The following ST7 variants were observed in gnomAD, a reference collection of about 807,000 sequenced individuals.
The protein encoded by ST7 is suppressor of tumorigenicity 7 protein.
Under a neutral mutation model 78.7 loss-of-function variants are expected in ST7, and 28 were observed. The observed-to-expected ratio is 0.36, with a 90% CI of 0.26 to 0.49. The LOEUF (loss-of-function observed/expected upper bound fraction) is 0.49. ST7 is among the 20% of genes least tolerant of loss of function. ST7 has a pLI of 0.99. For missense variants in ST7, 418 were observed against 696.0 expected (o/e 0.60, Z 4.49); for synonymous variants, 247 against 249.6 (o/e 0.99, Z 0.10).
intron 1 of ST7, among the ~76,000 whole-genome samples, chr7:117,041,670 T>C (rs759184352): frequency 3.9e-5 from 6 of 152,166 alleles, no homozygotes; most frequent in Non-Finnish European, 5.9e-5. Flanking sequence ...CAATAAAGCA[T>C]ATTTTGCCTT....
intron 2 of ST7, among the ~76,000 whole-genome samples, chr7:117,118,606 A>C (rs1483187790): frequency 6.6e-6 from 1 of 152,230 alleles, no homozygotes; most frequent in Non-Finnish European, 1.5e-5. Context: ...TAGCTATCCT[A>C]TGAGACTCTG....
intron 1 of ST7, chr7:117,073,671 C>A (rs184895315): frequency 6.6e-6 from 1 of 152,296 alleles, no homozygotes; most frequent in Non-Finnish European, 1.5e-5. Context: ...CCTGTTACCC[C>A]ATCTGTAAAA....
intron 9 of ST7, among the ~76,000 whole-genome samples, chr7:117,162,462 A>G (rs1045464217): frequency 2.7e-5 from 4 of 150,166 alleles, no homozygotes; most frequent in African/African-American, 7.3e-5. Context: ...TCCACTATTT[A>G]TGATGGGATT....
At chr7:117,189,013 G>T (rs38884) in intron 10 of ST7, among the ~76,000 whole-genome samples, 19,109 of 151,982 alleles carry the variant, frequency 0.13, 2,247 homozygotes, top group African/African-American at 0.31. Context: ...ATATCTAAAT[G>T]TATATATTTA....
intron 13 of ST7, among the ~76,000 whole-genome samples, chr7:117,215,946 C>T (rs576418236): frequency 3.9e-5 from 6 of 151,960 alleles, no homozygotes; most frequent in Admixed American, 1.3e-4. Context: ...CTAAGATACT[C>T]TAAGATTGAT....
chr7:117,097,111 C>T (rs1801102475), intron 1 of ST7, among the ~76,000 whole-genome samples: 1 of 151,422 alleles, frequency 6.6e-6, no homozygotes, highest in South Asian at 2.1e-4. Context: ...AGTGATTTTT[C>T]AGCAGAAAAT....
intron 1 of ST7, among the ~76,000 whole-genome samples, chr7:117,008,274 T>C (rs1405224433): frequency 6.6e-6 from 1 of 152,218 alleles, no homozygotes; most frequent in East Asian, 1.9e-4. Context: ...GTGATACTGT[T>C]GTGAAATGTC....
rs574683136 is a variant in ST7 at position 117,144,628 on chromosome 7, G to A, written c.963+6096G>A. On this transcript the variant is annotated intron_variant, in intron 9 of 15. Transcript: ENST00000323984. ...AGCCTAGGCAACAGAGTAAGACCCT[G>A]TCTCCAAAAAAAAAAAAAAAACCAA... Among the ~76,000 whole-genome samples, 39 of 134,056 alleles carry A rather than the reference G, an allele frequency of 2.9e-4. No individual in the cohort carries two copies. The East Asian group carries it at 7.3e-3, about 25-fold the overall frequency. 87.9% of individuals were successfully genotyped at this position (134,056 alleles called of 152,430 possible).
chr7:117,116,000 A>G (rs973808894), intron 2 of ST7, among the ~76,000 whole-genome samples: 2 of 152,132 alleles, frequency 1.3e-5, no homozygotes, highest in African/African-American at 2.4e-5. Context: ...TTTACACATT[A>G]GAAAACTAAG....
chr7:117,152,118 C>CA (rs199819599), intron 9 of ST7, among the ~76,000 whole-genome samples: 29 of 119,708 alleles, frequency 2.4e-4, no homozygotes, highest in Middle Eastern at 4.7e-3. Context: ...GACACCATCT[C>CA]AAAAAAAAAT....
intron 1 of ST7, chr7:116,972,821 G>C (rs1793500025): frequency 1.9e-6 from 2 of 1,034,582 alleles, no homozygotes; most frequent in South Asian, 1.3e-5. Context: ...TCTCACTGGA[G>C]ACGATCAGCT....
chr7:117,133,180 G>A (rs74440097), intron 6 of ST7, among the ~76,000 whole-genome samples: 1,643 of 151,920 alleles, frequency 0.011, 33 homozygotes, highest in African/African-American at 0.037. Flanking sequence ...CCAAATCACT[G>A]TGTTCTGTAG....
chr7:117,000,761 T>G (rs1487497125), intron 1 of ST7, among the ~76,000 whole-genome samples: 2 of 152,258 alleles, frequency 1.3e-5, no homozygotes, highest in Non-Finnish European at 2.9e-5. Context: ...GACTTGTTAG[T>G]GCTACTGGCC....
chr7:117,053,470 A>T (rs1420855953), intron 1 of ST7, among the ~76,000 whole-genome samples: 1 of 152,094 alleles, frequency 6.6e-6, no homozygotes, highest in Non-Finnish European at 1.5e-5. Context: ...TGTTGCTTGT[A>T]CCTCTGGATC....
At chr7:117,174,754 A>G (rs1018688543) in intron 10 of ST7, among the ~76,000 whole-genome samples, 1 of 152,130 alleles carries the variant, frequency 6.6e-6, no homozygotes, top group South Asian at 2.1e-4. Context: ...CATTAGCTTT[A>G]CCCTCACAAT....
intron 7 of ST7, among the ~76,000 whole-genome samples, chr7:117,135,430 A>C (rs1804707793): frequency 6.6e-6 from 1 of 152,122 alleles, no homozygotes; most frequent in Non-Finnish European, 1.5e-5. Context: ...CTTCAGAAAT[A>C]ACACTACTTG....
intron 10 of ST7, among the ~76,000 whole-genome samples, chr7:117,178,364 G>T (rs1408209574): frequency 6.6e-6 from 1 of 152,184 alleles, no homozygotes; most frequent in Non-Finnish European, 1.5e-5. Flanking sequence ...GAAGCGAGAT[G>T]AATCAGTGCT....
At chr7:117,097,402 G>C (rs1160385851) in intron 1 of ST7, among the ~76,000 whole-genome samples, 1 of 149,822 alleles carries the variant, frequency 6.7e-6, no homozygotes. Context: ...CTTGACTCAC[G>C]GCAACTTCCG....
chr7:117,045,952 A>G (rs1797471095), intron 1 of ST7, among the ~76,000 whole-genome samples: 1 of 152,252 alleles, frequency 6.6e-6, no homozygotes, highest in African/African-American at 2.4e-5. Context: ...GAAAGCAACC[A>G]GCATGTGTTG....
Sources: gnomAD v4.1 joint callset for allele counts (sites outside exome capture counted in the v4.1 genomes callset) on GRCh38, gnomAD v4.1.1 for gene constraint, MANE v1.5 for transcripts, NCBI Gene and HGNC (gene_info 2026-07-23, HGNC 2026-07-21) for gene names.